Variants in TMEM63C observed in about 807,000 individuals in gnomAD.
TMEM63C encodes osmosensitive cation channel TMEM63C.
TMEM63C carries 32 observed loss-of-function variants against 99.2 expected under a neutral mutation model. The observed-to-expected ratio is 0.32, with a 90% CI of 0.24 to 0.43. TMEM63C has a LOEUF of 0.43. TMEM63C is among the 20% of genes least tolerant of loss of function. TMEM63C has a pLI of 1.00. For synonymous variants in TMEM63C, 376 were observed against 397.9 expected (o/e 0.94, Z 0.66); for missense variants, 826 against 1,053.0 (o/e 0.78, Z 2.98).
rs1352686983 is a variant in TMEM63C, at chr14:77,246,591, C to T, written c.1536-18C>T. 1 of 1,610,166 alleles carries T rather than the reference C, an allele frequency of 6.2e-7. No homozygotes were observed. Among genetic ancestry groups the T allele is most frequent in the Non-Finnish European group, 8.5e-7 (1 of 1,177,876 alleles). ...ATAGGTTTGCTAACTAACAGACCTG[C>T]CTTGTTTTTGCTTCTAGTTTGGATG... On this transcript the variant is annotated intron_variant, in intron 17 of 23. Coordinates refer to ENST00000298351, the MANE Select transcript of TMEM63C (RefSeq NM_020431.4).
chr14:77,227,640 C>T (rs763660352), intron 6 of TMEM63C, among the ~76,000 whole-genome samples: 2 of 152,116 alleles, frequency 1.3e-5, no homozygotes, highest in Non-Finnish European at 2.9e-5. Context: ...CTCATCGAGG[C>T]GGGAGGAAGA....
Position 77,219,372 on chromosome 14 carries a change from CCTT to C in TMEM63C, c.151-123_151-121del, listed in dbSNP as rs1888648615. 3.5e-5 allele frequency: 32 copies of C among 909,002 alleles called. No homozygotes were observed. The South Asian group carries it at 4.3e-4, about 12-fold the overall frequency. 56.3% of individuals were successfully genotyped at this position (909,002 alleles called of 1,614,324 possible). ...ATGGCCCCTACTCCAACAGAGCTCA[CCTT>C]CTAGTGGAGGAGCTCCCTGGGGACC... On this transcript the variant is annotated intron_variant, in intron 3 of 23. Transcript: ENST00000298351.
At chr14:77,192,608 A>G (rs76513103) in intron 1 of TMEM63C, among the ~76,000 whole-genome samples, 84 of 152,296 alleles carry the variant, frequency 5.5e-4, no homozygotes, top group Non-Finnish European at 9.1e-4. Flanking sequence ...TTAAAAAGAA[A>G]GAAGAAAGCC....
At chr14:77,234,406 A>G (rs534472795) in intron 8 of TMEM63C, among the ~76,000 whole-genome samples, 1 of 152,326 alleles carries the variant, frequency 6.6e-6, no homozygotes, top group South Asian at 2.1e-4. Flanking sequence ...GAGCAGGGAT[A>G]TCGGCTCCTT....
At chr14:77,186,795 G>A (rs932899586) in intron 1 of TMEM63C, among the ~76,000 whole-genome samples, 1 of 121,702 alleles carries the variant, frequency 8.2e-6, no homozygotes, top group Non-Finnish European at 1.7e-5. Flanking sequence ...GTGTGTGTGT[G>A]TGTGTCTGTG....
At chr14:77,242,533 C>T in intron 14 of TMEM63C, 64 bp downstream of exon 14, 2 of 1,581,506 alleles carry the variant, frequency 1.3e-6, no homozygotes, top group Non-Finnish European at 1.7e-6. Context: ...GGCAGCAGGA[C>T]AGGGCCTTCT....
chr14:77,238,242 AT>A (rs1174533275), intron 9 of TMEM63C, among the ~76,000 whole-genome samples: 3 of 152,138 alleles, frequency 2.0e-5, no homozygotes. Context: ...CACGTGAGGG[AT>A]TTCCCTAGAG....
chr14:77,252,855 G>A (rs1277295251), intron 22 of TMEM63C, among the ~76,000 whole-genome samples: 5 of 152,178 alleles, frequency 3.3e-5, no homozygotes, highest in South Asian at 2.1e-4. Flanking sequence ...GAAGGACCCC[G>A]CTGACTCTGT....
At chr14:77,184,169 G>A (rs565073912) in intron 1 of TMEM63C, among the ~76,000 whole-genome samples, 1 of 152,136 alleles carries the variant, frequency 6.6e-6, no homozygotes, top group South Asian at 2.1e-4. Flanking sequence ...TGCCTTGATG[G>A]GGGAAACATG....
chr14:77,223,202 A>AT (rs35920163), intron 5 of TMEM63C, among the ~76,000 whole-genome samples: 9 of 151,120 alleles, frequency 6.0e-5, no homozygotes, highest in East Asian at 5.8e-4. Context: ...TATCACTTTG[A>AT]TTTTTTTTTT....
At position 77,239,514 on chromosome 14, in the gene TMEM63C, T is replaced by C. The variant is rs374023499; in HGVS notation, c.806+22T>C. 6.1e-4 allele frequency: 988 copies of C among 1,612,960 alleles called. 1 individual carries two copies. Among genetic ancestry groups the C allele is most frequent in the Non-Finnish European group, 7.2e-4 (849 of 1,179,564 alleles). On this transcript the variant is annotated intron_variant, in intron 11 of 23. Transcript: ENST00000298351. ...AGAGGTGAGGCTGCAGCGGGGCCTT[T>C]TGGGGCCCGGGGTGGGGGTAAAAGG...
intron 12 of TMEM63C, among the ~76,000 whole-genome samples, chr14:77,240,015 G>A (rs1162857742): frequency 6.6e-6 from 1 of 152,198 alleles, no homozygotes; most frequent in Non-Finnish European, 1.5e-5. Context: ...CAGGCTACAC[G>A]AGGCTGCCAG....
intron 1 of TMEM63C, among the ~76,000 whole-genome samples, chr14:77,207,748 C>A (rs1888427471): frequency 6.6e-6 from 1 of 152,238 alleles, no homozygotes. Flanking sequence ...CATAAGAAGG[C>A]CTGGCCCATC....
intron 2 of TMEM63C, among the ~76,000 whole-genome samples, chr14:77,218,239 A>AGGGG (rs112020982): frequency 4.0e-5 from 5 of 124,856 alleles, no homozygotes; most frequent in Non-Finnish European, 5.4e-5. Flanking sequence ...TTAAAAAAAA[A>AGGGG]AGAGGGGGGT....
intron 23 of TMEM63C, among the ~76,000 whole-genome samples, chr14:77,254,108 A>T (rs1455835319): frequency 2.0e-5 from 3 of 152,206 alleles, no homozygotes; most frequent in African/African-American, 7.2e-5. Context: ...TGACCCCAGG[A>T]ATGGGCATAC....
At chr14:77,241,292 G>C (rs2540887) in intron 13 of TMEM63C, among the ~76,000 whole-genome samples, 12,412 of 152,136 alleles carry the variant, frequency 0.082, 561 homozygotes, top group Admixed American at 0.11. Context: ...AGAGCGTCAG[G>C]ATAGAGCAGC....
Position 77,256,714 on chromosome 14 carries a change from C to G in TMEM63C, c.2409C>G (p.Asn803Lys), listed in dbSNP as rs199615151. 31 of 1,613,838 alleles carry G rather than the reference C, an allele frequency of 1.9e-5. No homozygotes were observed. In the East Asian group the frequency reaches 6.5e-4, roughly 34 times the overall value. Residue 803 changes from asparagine (N) to lysine (K), a missense_variant, in exon 24 of 24, where the codon AAC becomes AAG. Transcript: ENST00000298351. ...AAGGGCTGGAACTGGAGGGCCAGAA[C>G]CAGTACCACTGACCGGGACCTGAGG... Reference protein sequence around the residue: ...FQEGLELEGQNQYH With the variant: ...FQEGLELEGQKQYH
intron 5 of TMEM63C, among the ~76,000 whole-genome samples, chr14:77,223,860 A>C (rs1888770084): frequency 6.6e-6 from 1 of 152,164 alleles, no homozygotes; most frequent in South Asian, 2.1e-4. Context: ...ATGAGGGACC[A>C]TCAAGAAAGC....
intron 16 of TMEM63C, among the ~76,000 whole-genome samples, chr14:77,245,521 T>C (rs993276764): frequency 6.6e-6 from 1 of 152,216 alleles, no homozygotes; most frequent in African/African-American, 2.4e-5. Context: ...GATAAAGACA[T>C]ACTCAAGACT....
Sources: allele counts gnomAD v4.1 joint callset (sites outside exome capture counted in the v4.1 genomes callset), GRCh38; gene constraint gnomAD v4.1.1; transcripts MANE v1.5; gene names NCBI Gene and HGNC (gene_info 2026-07-23, HGNC 2026-07-21).